Variants in LRRIQ1 observed in about 807,000 individuals in gnomAD.
LRRIQ1 encodes leucine rich repeats and IQ motif containing 1.
A neutral mutation model predicts 211.9 loss-of-function variants in LRRIQ1; 210 were observed. The ratio of observed to expected loss-of-function variants is 0.99; its 90% CI spans 0.89 to 1.11. The LOEUF (loss-of-function observed/expected upper bound fraction) is 1.11. Among genes scored for constraint, LRRIQ1 ranks in the 50% most tolerant of loss-of-function variants. LRRIQ1 has a pLI of 0.00. For synonymous variants in LRRIQ1, 699 were observed against 650.1 expected (o/e 1.08, Z -1.14); for missense variants, 2,136 against 1,939.5 (o/e 1.10, Z -1.90).
chr12:85,098,670 A>ACC, intron 12 of LRRIQ1, 122 bp downstream of exon 12: 1 of 825,782 alleles, frequency 1.2e-6, no homozygotes, highest in Non-Finnish European at 1.8e-6. Flanking sequence ...CCATGAAGTA[A>ACC]CCTTTATCAA....
At chr12:85,070,417 C>T (rs1285182382) in intron 10 of LRRIQ1, among the ~76,000 whole-genome samples, 4 of 151,930 alleles carry the variant, frequency 2.6e-5, no homozygotes. Flanking sequence ...TCTTCCACAG[C>T]CTTTAAGCTG....
intron 1 of LRRIQ1, among the ~76,000 whole-genome samples, chr12:85,254,862 G>T (rs1487593987): frequency 6.6e-6 from 1 of 151,800 alleles, no homozygotes; most frequent in Non-Finnish European, 1.5e-5. Flanking sequence ...CAGAACTTCT[G>T]GTAATGTCAA....
At chr12:85,084,808 C>T (rs1884645022) in intron 11 of LRRIQ1, among the ~76,000 whole-genome samples, 1 of 151,786 alleles carries the variant, frequency 6.6e-6, no homozygotes, top group Admixed American at 6.6e-5. Flanking sequence ...TGCCTGTAGT[C>T]CCAGTTACTT....
intron 15 of LRRIQ1, among the ~76,000 whole-genome samples, chr12:85,114,923 G>A (rs1441450570): frequency 1.3e-5 from 2 of 152,082 alleles, no homozygotes; most frequent in South Asian, 2.1e-4. Context: ...ATAACCCCAT[G>A]ATACCAACAA....
chr12:85,138,079 T>A, intron 19 of LRRIQ1, 110 bp downstream of exon 19: 1 of 641,706 alleles, frequency 1.6e-6, no homozygotes, highest in Non-Finnish European at 2.5e-6. Flanking sequence ...TGTTACAGAC[T>A]TTTTTCCTAA....
chr12:85,133,307 A>G (rs1271620262), intron 18 of LRRIQ1, among the ~76,000 whole-genome samples: 1 of 152,174 alleles, frequency 6.6e-6, no homozygotes, highest in African/African-American at 2.4e-5. Context: ...AGAAAGTTGT[A>G]TCAGTAAAAA....
At chr12:85,048,450 C>G (rs1440907514) in intron 6 of LRRIQ1, 1 of 151,452 alleles carries the variant, frequency 6.6e-6, no homozygotes, top group Non-Finnish European at 1.5e-5. Context: ...TCCCAGCTAC[C>G]CGGGAGGCTG....
intron 24 of LRRIQ1, among the ~76,000 whole-genome samples, chr12:85,219,778 A>G (rs1429443938): frequency 6.6e-6 from 1 of 152,118 alleles, no homozygotes; most frequent in Admixed American, 6.6e-5. Flanking sequence ...ATATATACTT[A>G]AATATATTTT....
chr12:85,231,173 T>A (rs1894920371), intron 25 of LRRIQ1, among the ~76,000 whole-genome samples: 1 of 152,174 alleles, frequency 6.6e-6, no homozygotes, highest in African/African-American at 2.4e-5. Context: ...ATTATTACAG[T>A]TAAAACTTAG....
intron 1 of LRRIQ1, among the ~76,000 whole-genome samples, chr12:85,262,498 A>T (rs1463906947): frequency 6.6e-6 from 1 of 151,958 alleles, no homozygotes; most frequent in African/African-American, 2.4e-5. Flanking sequence ...ACCTTCATTC[A>T]ACCGGACTAT....
At chr12:85,113,012 A>G (rs1887297015) in intron 15 of LRRIQ1, among the ~76,000 whole-genome samples, 1 of 152,168 alleles carries the variant, frequency 6.6e-6, no homozygotes, top group Non-Finnish European at 1.5e-5. Context: ...GGATATAATC[A>G]CTTTTCCTTA....
chr12:85,216,227 TGTTCTC>T (rs1401273646), intron 24 of LRRIQ1, among the ~76,000 whole-genome samples: 2 of 152,168 alleles, frequency 1.3e-5, no homozygotes, highest in Non-Finnish European at 2.9e-5. Flanking sequence ...TGTGTCCATG[TGTTCTC>T]GTTCAACTCC....
intron 8 of LRRIQ1, 21 bp from the exon 9 acceptor site, chr12:85,065,241 C>A (rs760670915): frequency 6.3e-7 from 1 of 1,592,202 alleles, no homozygotes. Context: ...CTACACACTC[C>A]AATTTTCTTG....
At chr12:85,256,444 A>G (rs1896095636) in intron 1 of LRRIQ1, among the ~76,000 whole-genome samples, 1 of 151,706 alleles carries the variant, frequency 6.6e-6, no homozygotes, top group African/African-American at 2.4e-5. Flanking sequence ...ATGGTTAAAT[A>G]TGAAATGCAT....
intron 24 of LRRIQ1, among the ~76,000 whole-genome samples, chr12:85,193,697 A>G (rs1356967231): frequency 2.0e-5 from 3 of 152,078 alleles, no homozygotes; most frequent in East Asian, 1.9e-4. Context: ...AGGAACAACC[A>G]GTACCAGCCG....
intron 24 of LRRIQ1, among the ~76,000 whole-genome samples, chr12:85,217,686 A>G (rs924645444): frequency 3.3e-5 from 4 of 119,558 alleles, no homozygotes; most frequent in East Asian, 2.0e-4. Flanking sequence ...ATATGTATAT[A>G]TGTGTATATA....
rs753526726 is a variant in LRRIQ1, at chr12:85,201,360, A to C, written c.4823-28157A>C. ...TCAATTTTTTTCAAATAGTTTCAATATAAATGATACCAGCTCTTCTTTTAT... is the reference window on the plus strand; with the variant it reads ...TCAATTTTTTTCAAATAGTTTCAATCTAAATGATACCAGCTCTTCTTTTAT... On this transcript the variant is annotated intron_variant, in intron 24 of 26. Coordinates refer to ENST00000393217, the MANE Select transcript of LRRIQ1 (RefSeq NM_001079910.2). Among the ~76,000 whole-genome samples, 121 of 151,496 alleles carry C rather than the reference A, an allele frequency of 8.0e-4. 1 individual carries two copies. The highest frequency in any genetic ancestry group is 1.5e-3 in the Non-Finnish European group (103 of 67,914).
intron 24 of LRRIQ1, among the ~76,000 whole-genome samples, chr12:85,211,436 A>G (rs990442880): frequency 6.6e-6 from 1 of 152,168 alleles, no homozygotes; most frequent in Non-Finnish European, 1.5e-5. Context: ...AATGTGTCAA[A>G]TTTACCTAGC....
intron 11 of LRRIQ1, among the ~76,000 whole-genome samples, chr12:85,096,117 A>C (rs561251094): frequency 1.3e-5 from 2 of 151,952 alleles, no homozygotes; most frequent in Middle Eastern, 3.4e-3. Context: ...AAGAGCTTTC[A>C]ATTTTGTTTA....
Sources: allele counts gnomAD v4.1 joint callset (sites outside exome capture counted in the v4.1 genomes callset), GRCh38; gene constraint gnomAD v4.1.1; transcripts MANE v1.5; gene names NCBI Gene and HGNC (gene_info 2026-07-23, HGNC 2026-07-21).